Variants in JAK2 observed in about 807,000 individuals in gnomAD.
The protein encoded by JAK2 is Janus kinase 2, also known as tyrosine-protein kinase JAK2.
In JAK2, 86 loss-of-function variants were observed where a neutral mutation model predicts 139.3. The observed-to-expected ratio is 0.62, with a 90% CI of 0.52 to 0.74. The LOEUF (loss-of-function observed/expected upper bound fraction) is 0.74, where lower values mean the gene tolerates loss of function less well. Ranked by LOEUF, JAK2 falls within the 30% of genes least tolerant of loss-of-function variation. JAK2 has a pLI of 0.00. For missense variants in JAK2, 1,421 were observed against 1,360.3 expected (o/e 1.04, Z -0.70); for synonymous variants, 490 against 437.7 (o/e 1.12, Z -1.49).
rs58424625 is a variant in JAK2 at position 5,062,500 on chromosome 9, T to TAAAAAAAAAAA, written c.1057-2362_1057-2352dup. On this transcript the variant is annotated intron_variant, in intron 8 of 24. Coordinates refer to ENST00000381652, the MANE Select transcript of JAK2 (RefSeq NM_004972.4). ...AAGTTTGTCAGAAACCTTCCATTTG[T>TAAAAAAAAAAA]AAAAAAAAAAAAAAAAAAAAAAAAA... 1.6e-3 allele frequency among the ~76,000 whole-genome samples: 96 copies of TAAAAAAAAAAA among 58,232 alleles called. 19 individuals carry two copies. Among genetic ancestry groups the TAAAAAAAAAAA allele is most frequent in the African/African-American group, 9.0e-3 (86 of 9,584 alleles). 38.2% of individuals were successfully genotyped at this position (58,232 alleles called of 152,430 possible). A position where few individuals can be genotyped will look rare whatever the true frequency, so the allele number is the denominator to read the frequency against.
intron 14 of JAK2, among the ~76,000 whole-genome samples, chr9:5,076,254 A>T (rs997743097): frequency 6.6e-6 from 1 of 152,194 alleles, no homozygotes; most frequent in African/African-American, 2.4e-5. Context: ...AGGGTTTGAG[A>T]GGACTGACCC....
At chr9:5,106,528 G>A (rs1439742438) in intron 22 of JAK2, among the ~76,000 whole-genome samples, 2 of 152,278 alleles carry the variant, frequency 1.3e-5, no homozygotes, top group East Asian at 1.9e-4. Context: ...AATACCATTT[G>A]ACCCAGCCAT....
Position 5,080,556 on chromosome 9 carries a change from G to A in JAK2, c.2307G>A (p.Arg769=), listed in dbSNP as rs749892810. Residue 769 remains arginine, a synonymous_variant, in exon 18 of 25, where the codon AGG becomes AGA. Transcript: ENST00000381652. ...SQRKLQFYED[R]HQLPAPKWAE... ...AGAAGCTACAATTTTATGAAGATAG[G>A]CATCAGCTTCCTGCACCAAAGTGGG... 6.3e-7 allele frequency: 1 copy of A among 1,593,138 alleles called. No homozygotes were observed. The highest frequency in any genetic ancestry group is 2.2e-5 in the East Asian group (1 of 44,690).
rs997509639 is a variant in JAK2 at position 5,127,102 on chromosome 9, C to A, written c.*311C>A. ...CTTTTTCAACTCAGCTTTTTGAGACCTGAAAAAATTATTATGTAAATTTTG... is the reference window on the plus strand; with the variant it reads ...CTTTTTCAACTCAGCTTTTTGAGACATGAAAAAATTATTATGTAAATTTTG... On this transcript the variant is annotated 3_prime_UTR_variant, in exon 25 of 25. Coordinates refer to ENST00000381652, the MANE Select transcript of JAK2 (RefSeq NM_004972.4). The A allele has an allele frequency of 1.5e-5, 4 of 265,864 alleles. No homozygotes were observed. Among genetic ancestry groups the A allele is most frequent in the Non-Finnish European group, 2.2e-5 (3 of 138,878 alleles). 16.5% of individuals were successfully genotyped at this position (265,864 alleles called of 1,614,324 possible). A position where few individuals can be genotyped will look rare whatever the true frequency, so the allele number is the denominator to read the frequency against.
intron 19 of JAK2, among the ~76,000 whole-genome samples, chr9:5,082,176 C>A (rs1317930252): frequency 3.3e-5 from 5 of 152,156 alleles, no homozygotes; most frequent in African/African-American, 1.2e-4. Context: ...ATATGGAGGA[C>A]CCGCACCAAC....
intron 22 of JAK2, chr9:5,098,047 A>G (rs1356214474): frequency 6.6e-6 from 1 of 152,188 alleles, no homozygotes; most frequent in Non-Finnish European, 1.5e-5. Flanking sequence ...TCTCATTAGC[A>G]GCAGTTATGC....
chr9:4,990,658 A>G (rs981372065), intron 2 of JAK2, among the ~76,000 whole-genome samples: 6 of 152,198 alleles, frequency 3.9e-5, no homozygotes, highest in African/African-American at 1.2e-4. Flanking sequence ...AGGCGGAATG[A>G]TCAACATGTT....
intron 2 of JAK2, among the ~76,000 whole-genome samples, chr9:4,995,430 T>C (rs1820504537): frequency 6.6e-6 from 1 of 152,250 alleles, no homozygotes; most frequent in South Asian, 2.1e-4. Context: ...ATCTGGAATT[T>C]ATACTGATGC....
At chr9:5,044,563 A>G (rs745878868) in intron 5 of JAK2, 43 bp downstream of exon 5, 2 of 1,211,386 alleles carry the variant, frequency 1.7e-6, no homozygotes, top group Non-Finnish European at 2.4e-6. Context: ...TAAATGATAA[A>G]TATCTTGCTG....
intron 12 of JAK2, 59 bp from the exon 13 acceptor site, chr9:5,072,433 T>G: frequency 7.6e-7 from 1 of 1,310,078 alleles, no homozygotes; most frequent in Non-Finnish European, 1.0e-6. Flanking sequence ...TGTATTTTCT[T>G]GTTCCTACTT....
rs139964957 is a variant in JAK2, at chr9:5,128,080, T to TTGTGTGTGTGTGTG, written c.*1317_*1330dup. 4.2e-4 allele frequency: 95 copies of TTGTGTGTGTGTGTG among 224,798 alleles called. No individual in the cohort carries two copies. Among genetic ancestry groups the TTGTGTGTGTGTGTG allele is most frequent in the African/African-American group, 2.0e-3 (87 of 43,284 alleles). 13.9% of individuals were successfully genotyped at this position (224,798 alleles called of 1,614,324 possible). On this transcript the variant is annotated 3_prime_UTR_variant, in exon 25 of 25. Coordinates refer to ENST00000381652, the MANE Select transcript of JAK2 (RefSeq NM_004972.4). ...TAGCTAAAATAAAATATGGTGGGTTTTGTGTGTGTGTGTGTGTGTGTGTGT... is the reference window on the plus strand; with the variant it reads ...TAGCTAAAATAAAATATGGTGGGTTTTGTGTGTGTGTGTGTGTGTGTGTGTGTGTGTGTGTGTGT...
intron 4 of JAK2, among the ~76,000 whole-genome samples, chr9:5,038,353 A>G (rs1454428348): frequency 6.6e-6 from 1 of 152,180 alleles, no homozygotes; most frequent in South Asian, 2.1e-4. Flanking sequence ...TCTATCACAC[A>G]TTAAAAAAAT....
In JAK2 at chr9:5,129,606, G is replaced by GT. The variant is rs796808318; in HGVS notation, c.*2819dup. 9.2e-5 allele frequency among the ~76,000 whole-genome samples: 14 copies of GT among 152,104 alleles called. No individual in the cohort carries two copies. In the East Asian group the frequency reaches 2.1e-3, roughly 23 times the overall value. On this transcript the variant is annotated 3_prime_UTR_variant, in exon 25 of 25. Transcript: ENST00000381652. Reference sequence around the variant, plus strand: ...CAGGATTATCCAAACAAAAGACTAGGTTTTATGAGATAAGCTTGATTTAAG... The same window carrying GT: ...CAGGATTATCCAAACAAAAGACTAGGTTTTTATGAGATAAGCTTGATTTAAG...
At chr9:5,070,560 T>A (rs751739029) in intron 12 of JAK2, among the ~76,000 whole-genome samples, 1 of 152,116 alleles carries the variant, frequency 6.6e-6, no homozygotes, top group Non-Finnish European at 1.5e-5. Context: ...TTTCTTTTTT[T>A]AAATAACTAA....
At position 5,123,261 on chromosome 9, in the gene JAK2, A is replaced by G. The variant is rs1823755924; in HGVS notation, c.3177+140A>G. The G allele has an allele frequency of 5.5e-6, 3 of 547,298 alleles. No homozygotes were observed. In the South Asian group the frequency reaches 8.1e-5, roughly 15 times the overall value. The allele number at this position is 547,298 out of a possible 1,614,324, so 33.9% of individuals were successfully genotyped here. Reference sequence around the variant, plus strand: ...GAGCTTTTAGGGTATCCACCACCTTAATAACATACATTGTATCCCTTAAAT... The same window carrying G: ...GAGCTTTTAGGGTATCCACCACCTTGATAACATACATTGTATCCCTTAAAT... On this transcript the variant is annotated intron_variant, in intron 23 of 24. Coordinates refer to ENST00000381652, the MANE Select transcript of JAK2 (RefSeq NM_004972.4).
At chr9:5,011,154 C>T (rs976852664) in intron 2 of JAK2, among the ~76,000 whole-genome samples, 2 of 152,084 alleles carry the variant, frequency 1.3e-5, no homozygotes, top group African/African-American at 4.8e-5. Flanking sequence ...TTTTTTTAAA[C>T]AAACTTGGAA....
chr9:5,065,428 C>G (rs796464046), intron 9 of JAK2, among the ~76,000 whole-genome samples: 6 of 152,270 alleles, frequency 3.9e-5, no homozygotes, highest in African/African-American at 1.4e-4. Context: ...CTGAAAGGTT[C>G]AAACACAAGA....
At chr9:5,003,352 G>A (rs1215559656) in intron 2 of JAK2, among the ~76,000 whole-genome samples, 6 of 151,922 alleles carry the variant, frequency 3.9e-5, no homozygotes, top group Admixed American at 2.0e-4. Context: ...TCTTATATCA[G>A]CATGGTCTAT....
intron 2 of JAK2, among the ~76,000 whole-genome samples, chr9:4,993,639 T>C (rs1309450712): frequency 6.6e-6 from 1 of 152,210 alleles, no homozygotes; most frequent in Non-Finnish European, 1.5e-5. Flanking sequence ...CTCACTTTGC[T>C]TGAAGTCCTC....
Sources: allele counts gnomAD v4.1 joint callset (sites outside exome capture counted in the v4.1 genomes callset), GRCh38; gene constraint gnomAD v4.1.1; transcripts MANE v1.5; gene names NCBI Gene and HGNC (gene_info 2026-07-23, HGNC 2026-07-21).